The following ABLIM2 variants were observed in gnomAD, a reference collection of about 807,000 sequenced individuals.
ABLIM2 encodes actin binding LIM protein family member 2, also known as actin-binding LIM protein 2.
A neutral mutation model predicts 97.7 loss-of-function variants in ABLIM2; 53 were observed. The observed-to-expected ratio is 0.54, with a 90% CI of 0.44 to 0.68. ABLIM2 has a LOEUF of 0.68. Ranked by LOEUF, ABLIM2 falls within the 30% of genes least tolerant of loss-of-function variation. The probability of loss-of-function intolerance (pLI) is 0.00; values close to 1 mark genes in which losing one functional copy is unlikely to be tolerated. For synonymous variants in ABLIM2, 361 were observed against 345.8 expected, an observed-to-expected ratio of 1.04 and a Z score of -0.49; for missense variants, 835 against 867.2, an observed-to-expected ratio of 0.96 and a Z score of 0.47.
At chr4:8,157,020 G>A (rs1715595417) in intron 1 of ABLIM2, among the ~76,000 whole-genome samples, 1 of 152,152 alleles carries the variant, frequency 6.6e-6, no homozygotes. Flanking sequence ...AACTACCGAG[G>A]GCCTCCCAGG....
In ABLIM2 at chr4:8,008,203, G is replaced by C. The variant is rs1257531006; in HGVS notation, c.1477-3C>G. The C allele has an allele frequency of 3.1e-6, 5 of 1,612,114 alleles. No homozygotes were observed. In the African/African-American group the frequency reaches 4.0e-5, roughly 13 times the overall value. On this transcript the variant is annotated splice_region_variant and splice_polypyrimidine_tract_variant and intron_variant, in intron 15 of 20. Coordinates refer to ENST00000447017, the MANE Select transcript of ABLIM2 (RefSeq NM_001130083.2). ...AGCATCAGCCAGCTGCTCTTCTGCT[G>C]AAGGTAAAAAACAAAGTCATGCAAA...
In ABLIM2 at chr4:8,032,454, C is replaced by T. The variant is rs1169744846; in HGVS notation, c.1048-2678G>A. On this transcript the variant is annotated intron_variant, in intron 10 of 20. Coordinates refer to ENST00000447017, the MANE Select transcript of ABLIM2 (RefSeq NM_001130083.2). This position sits in a 1 kb window ranked among gnomAD's most constrained non-coding sequence, Gnocchi z 4.3. ...AGGGCTGGCAGACATATCGGGGAGG[C>T]ATGCAAGTGCGGGGTGATCATAAAA... Among the ~76,000 whole-genome samples the T allele has an allele frequency of 6.6e-6, 1 of 152,144 alleles. No individual in the cohort carries two copies. Among genetic ancestry groups the T allele is most frequent in the African/African-American group, 2.4e-5 (1 of 41,450 alleles).
chr4:8,133,248 C>A (rs1849683678), intron 1 of ABLIM2, among the ~76,000 whole-genome samples: 1 of 152,230 alleles, frequency 6.6e-6, no homozygotes, highest in South Asian at 2.1e-4. Flanking sequence ...ATGACCCTAC[C>A]ACCAAGTAAG....
intron 12 of ABLIM2, among the ~76,000 whole-genome samples, chr4:8,025,652 CG>C (rs1448104712): frequency 6.6e-6 from 1 of 152,098 alleles, no homozygotes; most frequent in Non-Finnish European, 1.5e-5. Flanking sequence ...AGGGGAGGGT[CG>C]CCAGGGCTGG....
intron 7 of ABLIM2, among the ~76,000 whole-genome samples, chr4:8,057,268 T>A (rs1030207461): frequency 1.3e-5 from 2 of 152,038 alleles, no homozygotes; most frequent in African/African-American, 4.8e-5. Context: ...CCAGTTTTAG[T>A]AGAGATGGGG....
In ABLIM2 at chr4:7,996,871, G is replaced by T. The variant is rs1352295979; in HGVS notation, c.1619-3944C>A. On this transcript the variant is annotated intron_variant, in intron 16 of 20. Coordinates refer to ENST00000447017, the MANE Select transcript of ABLIM2 (RefSeq NM_001130083.2). This position sits in a 1 kb window ranked among gnomAD's most constrained non-coding sequence, Gnocchi z 4.5. The stretch of plus-strand genomic sequence containing the variant: ...GAAATCTGCTATCGCTTGAATTGGT[G>T]TTTCCCCTCTGTTTTTTCTCTCTGG... 6.6e-6 allele frequency among the ~76,000 whole-genome samples: 1 copy of T among 152,016 alleles called. No individual in the cohort carries two copies. Among genetic ancestry groups the T allele is most frequent in the Non-Finnish European group, 1.5e-5 (1 of 68,002 alleles).
chr4:8,036,441 C>A, intron 9 of ABLIM2, 146 bp from the exon 10 acceptor site: 1 of 992,960 alleles, frequency 1.0e-6, no homozygotes, highest in Non-Finnish European at 1.4e-6. Flanking sequence ...CCAGATGCAT[C>A]CCACAGGACA....
In ABLIM2 at chr4:8,095,191, A is replaced by T. The variant is rs1367454976; in HGVS notation, c.338+1908T>A. Reference sequence around the variant, plus strand: ...CAATCATAGCTCACTGCAGCCTCAAAATCCTGGGCCCAAGCAATCCTCCCA... The same window carrying T: ...CAATCATAGCTCACTGCAGCCTCAATATCCTGGGCCCAAGCAATCCTCCCA... On this transcript the variant is annotated intron_variant, in intron 3 of 20. Coordinates refer to ENST00000447017, the MANE Select transcript of ABLIM2 (RefSeq NM_001130083.2). The surrounding 1 kb of genome is among the most constrained non-coding windows in gnomAD (Gnocchi z 4.7). 2.0e-5 allele frequency among the ~76,000 whole-genome samples: 3 copies of T among 151,578 alleles called. No homozygotes were observed. The highest frequency in any genetic ancestry group is 4.4e-5 in the Non-Finnish European group (3 of 67,912).
At chr4:8,079,249 G>A (rs992579409) in intron 5 of ABLIM2, among the ~76,000 whole-genome samples, 2 of 152,194 alleles carry the variant, frequency 1.3e-5, no homozygotes, top group Admixed American at 6.5e-5. Flanking sequence ...ACCCACAAAC[G>A]AGTGTTATTT....
chr4:8,104,742 C>A lies in ABLIM2; in HGVS notation c.154+1752G>T, dbSNP rs76819311. Among the ~76,000 whole-genome samples, 675 of 152,326 alleles carry A rather than the reference C, an allele frequency of 4.4e-3. 7 individuals carry two copies. Among genetic ancestry groups the A allele is most frequent in the African/African-American group, 0.013 (544 of 41,568 alleles). On this transcript the variant is annotated intron_variant, in intron 2 of 20. Coordinates refer to ENST00000447017, the MANE Select transcript of ABLIM2 (RefSeq NM_001130083.2). ...CAGGGCTCCAAGTGCCGCGCTGTGG[C>A]CTCTGACCTCCTCCAGGGCCAGCGG...
Position 8,120,094 on chromosome 4 carries a change from C to T in ABLIM2, c.11-13457G>A, listed in dbSNP as rs955824166. On this transcript the variant is annotated intron_variant, in intron 1 of 20. Transcript: ENST00000447017. This position sits in a 1 kb window ranked among gnomAD's most constrained non-coding sequence, Gnocchi z 5.6. ...AGACGTCGGGCGGCAGGGTCCCTGG[C>T]GGCCCCCAGAGCCTGAGAGGAGCCT... Among the ~76,000 whole-genome samples, 8 of 152,256 alleles carry T rather than the reference C, an allele frequency of 5.3e-5. No individual in the cohort carries two copies. The highest frequency in any genetic ancestry group is 2.1e-4 in the South Asian group (1 of 4,820).
At chr4:8,096,003 C>T (rs1322643656) in intron 3 of ABLIM2, among the ~76,000 whole-genome samples, 1 of 152,194 alleles carries the variant, frequency 6.6e-6, no homozygotes, top group Non-Finnish European at 1.5e-5. Flanking sequence ...CCCTGCCCCT[C>T]TGGTATTCTG....
intron 6 of ABLIM2, among the ~76,000 whole-genome samples, chr4:8,063,436 G>T (rs77029551): frequency 0.018 from 2,744 of 152,328 alleles, 76 homozygotes; most frequent in African/African-American, 0.061. Flanking sequence ...CCACAGCTCG[G>T]GCCAAGAAGC....
At chr4:8,143,931 T>A (rs999186563) in intron 1 of ABLIM2, among the ~76,000 whole-genome samples, 4 of 152,056 alleles carry the variant, frequency 2.6e-5, no homozygotes, top group African/African-American at 9.7e-5. Context: ...GTTGGTCTCC[T>A]CGGGGAGCGG....
Position 8,004,939 on chromosome 4 carries a change from G to T in ABLIM2, c.1618+3120C>A, listed in dbSNP as rs1760104995. Among the ~76,000 whole-genome samples, 1 of 152,336 alleles carries T rather than the reference G, an allele frequency of 6.6e-6. No homozygotes were observed. The highest frequency in any genetic ancestry group is 2.4e-5 in the African/African-American group (1 of 41,576). On this transcript the variant is annotated intron_variant, in intron 16 of 20. Coordinates refer to ENST00000447017, the MANE Select transcript of ABLIM2 (RefSeq NM_001130083.2). This position sits in a 1 kb window ranked among gnomAD's most constrained non-coding sequence, Gnocchi z 5.9. The stretch of plus-strand genomic sequence containing the variant: ...TGGAATGGGGATGGCTCCCGGGTTT[G>T]TCACCGCCATAAAGTCCTCTGGCTT...
intron 16 of ABLIM2, 124 bp downstream of exon 16, chr4:8,007,935 C>G: frequency 6.7e-7 from 1 of 1,492,592 alleles, no homozygotes; most frequent in Non-Finnish European, 8.9e-7. Flanking sequence ...GATTTGTGGG[C>G]TTTGCTTTCA....
intron 14 of ABLIM2, among the ~76,000 whole-genome samples, chr4:8,013,379 T>C (rs1766440311): frequency 6.6e-6 from 1 of 152,012 alleles, no homozygotes; most frequent in Non-Finnish European, 1.5e-5. Context: ...ACCACCACCA[T>C]GCCCGGCTAA....
Position 8,155,658 on chromosome 4 carries a change from AG to A in ABLIM2, c.10+3021del. 6.6e-6 allele frequency among the ~76,000 whole-genome samples: 1 copy of A among 152,340 alleles called. No individual in the cohort carries two copies. The highest frequency in any genetic ancestry group is 2.1e-4 in the South Asian group (1 of 4,834). ...ACTATGCATGGAGACAGGACCTTTA[AG>A]GAGACCACTAAGGTGAAACGAGGTC... is the stretch of plus-strand genomic sequence containing the variant. On this transcript the variant is annotated intron_variant, in intron 1 of 20. Transcript: ENST00000447017. This position sits in a 1 kb window ranked among gnomAD's most constrained non-coding sequence, Gnocchi z 4.2.
intron 4 of ABLIM2, among the ~76,000 whole-genome samples, chr4:8,081,739 C>T (rs1256818132): frequency 6.6e-6 from 1 of 152,116 alleles, no homozygotes; most frequent in Non-Finnish European, 1.5e-5. Context: ...GAGTGGGAGG[C>T]AGAGCGGCAG....
Sources: gnomAD v4.1 joint callset for allele counts (sites outside exome capture counted in the v4.1 genomes callset) on GRCh38, gnomAD v4.1.1 for gene constraint, Gnocchi (gnomAD v3.1) non-coding constraint, MANE v1.5 for transcripts, NCBI Gene and HGNC (gene_info 2026-07-23, HGNC 2026-07-21) for gene names.